ARMC3: variants seen among roughly 807,000 people sequenced by gnomAD.
ARMC3 encodes the protein armadillo repeat containing 3, also known as armadillo repeat-containing protein 3.
ARMC3 carries 74 observed loss-of-function variants against 90.3 expected under a neutral mutation model. The ratio of observed to expected loss-of-function variants is 0.82; its 90% confidence interval spans 0.68 to 0.99. The LOEUF (loss-of-function observed/expected upper bound fraction) is 0.99, where lower values mean the gene tolerates loss of function less well. Among genes scored for constraint, ARMC3 ranks in the 50% least tolerant of loss-of-function variants. ARMC3 has a pLI of 0.00. For synonymous variants in ARMC3, 334 were observed against 361.8 expected, an observed-to-expected ratio of 0.92 and a Z score of 0.87; for missense variants, 958 against 1,042.8, an observed-to-expected ratio of 0.92 and a Z score of 1.12.
rs759864443 is a variant in ARMC3 at position 23,008,247 on chromosome 10, T to A, written c.1830-29T>A. On this transcript the variant is annotated intron_variant, in intron 14 of 18. Transcript: ENST00000298032. ...TCTGTTGACAAATAATTTTAATCTA[T>A]ATATAATTTTAAATGTGTAAAATTT... 2.8e-4 allele frequency: 310 copies of A among 1,114,172 alleles called. 2 individuals carry two copies. Among genetic ancestry groups the A allele is most frequent in the Non-Finnish European group, 6.0e-5 (47 of 781,178 alleles). The allele number at this position is 1,114,172 out of a possible 1,614,324, so 69.0% of individuals were successfully genotyped here.
At chr10:22,995,851 T>C (rs1350839406) in intron 10 of ARMC3, among the ~76,000 whole-genome samples, 7 of 152,214 alleles carry the variant, frequency 4.6e-5, no homozygotes, top group Non-Finnish European at 1.0e-4. Context: ...TATTTGAGAA[T>C]TTATTGTTTG....
At chr10:23,009,097 A>G (rs1451945362) in intron 16 of ARMC3, among the ~76,000 whole-genome samples, 166 bp downstream of exon 16, 1 of 152,180 alleles carries the variant, frequency 6.6e-6, no homozygotes, top group African/African-American at 2.4e-5. Flanking sequence ...TCTCTTTAAA[A>G]CTTACCCGGA....
intron 1 of ARMC3, among the ~76,000 whole-genome samples, chr10:22,929,221 T>C (rs992036542): frequency 1.2e-4 from 16 of 133,252 alleles, no homozygotes; most frequent in African/African-American, 4.6e-4. Context: ...AGACTCTGTC[T>C]CAAAAAAGAA....
At chr10:22,992,470 T>C (rs909198576) in intron 10 of ARMC3, among the ~76,000 whole-genome samples, 12 of 152,218 alleles carry the variant, frequency 7.9e-5, no homozygotes, top group African/African-American at 1.4e-4. Flanking sequence ...CACATTTTTT[T>C]CCCTGTGGCT....
At position 23,008,339 on chromosome 10, in the gene ARMC3, A is replaced by G; in HGVS notation, c.1893A>G (p.Ser631=). The G allele has an allele frequency of 6.5e-7, 1 of 1,547,638 alleles. No individual in the cohort carries two copies. Among genetic ancestry groups the G allele is most frequent in the Non-Finnish European group, 8.8e-7 (1 of 1,133,456 alleles). The part of the protein sequence containing the change: ...DVGYGRSISS[S]SSLRRSSKEK... The stretch of plus-strand genomic sequence containing the variant: ...GTTATGGACGAAGTATTTCTTCTTC[A>G]TCTTCCTTAAGAAGATCAAGTAAAG... The change falls in exon 15 of 19, where the codon TCA becomes TCG. Residue 631 remains serine (S), a synonymous_variant. Transcript: ENST00000298032.
intron 1 of ARMC3, among the ~76,000 whole-genome samples, chr10:22,930,939 T>G (rs1238912913): frequency 6.6e-6 from 1 of 152,142 alleles, no homozygotes; most frequent in African/African-American, 2.4e-5. Flanking sequence ...AAGTTTCTTT[T>G]TTTTTTTTGA....
At chr10:22,965,078 T>C (rs759548680) in intron 7 of ARMC3, among the ~76,000 whole-genome samples, 1 of 152,206 alleles carries the variant, frequency 6.6e-6, no homozygotes, top group Non-Finnish European at 1.5e-5. Flanking sequence ...TATGTGTTTG[T>C]GTAGTACCTA....
At chr10:23,012,046 G>A (rs893315507) in intron 16 of ARMC3, among the ~76,000 whole-genome samples, 17 of 152,272 alleles carry the variant, frequency 1.1e-4, no homozygotes, top group African/African-American at 3.6e-4. Flanking sequence ...TCACCCAGAC[G>A]AATGAACACA....
At chr10:22,972,158 TG>T (rs1179077615) in intron 8 of ARMC3, among the ~76,000 whole-genome samples, 5 of 152,208 alleles carry the variant, frequency 3.3e-5, no homozygotes, top group Admixed American at 1.3e-4. Flanking sequence ...CTCTGTTGAT[TG>T]TGTGCTTTGA....
chr10:22,948,957 G>A (rs2131199858), intron 3 of ARMC3, among the ~76,000 whole-genome samples: 1 of 152,272 alleles, frequency 6.6e-6, no homozygotes, highest in Non-Finnish European at 1.5e-5. Flanking sequence ...AAAGGATTGG[G>A]GTAACAGTGC....
intron 10 of ARMC3, among the ~76,000 whole-genome samples, chr10:22,986,498 G>A (rs2131358545): frequency 6.8e-6 from 1 of 147,288 alleles, no homozygotes; most frequent in South Asian, 2.1e-4. Flanking sequence ...GTTGCAGTGA[G>A]CCAAGATCGC....
chr10:23,012,497 A>G (rs916329348), intron 16 of ARMC3, among the ~76,000 whole-genome samples: 1 of 152,084 alleles, frequency 6.6e-6, no homozygotes, highest in Non-Finnish European at 1.5e-5. Context: ...CTGGTGGAGT[A>G]TTCTGCCCTA....
intron 7 of ARMC3, among the ~76,000 whole-genome samples, chr10:22,964,952 A>AC (rs1564358356): frequency 6.6e-6 from 1 of 152,094 alleles, no homozygotes; most frequent in African/African-American, 2.4e-5. Context: ...TCCTACTCTT[A>AC]ATATTGTTAC....
intron 11 of ARMC3, among the ~76,000 whole-genome samples, chr10:23,001,162 T>G (rs1818831346): frequency 6.6e-6 from 1 of 152,200 alleles, no homozygotes; most frequent in Non-Finnish European, 1.5e-5. Context: ...CTTGCTGGCA[T>G]CGGTTCATCC....
chr10:22,987,203 T>G (rs1339992513), intron 10 of ARMC3, among the ~76,000 whole-genome samples: 1 of 152,222 alleles, frequency 6.6e-6, no homozygotes, highest in Non-Finnish European at 1.5e-5. Flanking sequence ...AAATTTCATG[T>G]TACATTTATC....
chr10:22,942,071 T>C (rs10764367), intron 2 of ARMC3, among the ~76,000 whole-genome samples: 56,978 of 152,132 alleles, frequency 0.37, 12,261 homozygotes, highest in African/African-American at 0.59. Flanking sequence ...AGGAGGTTTA[T>C]GCTTTAGCAG....
intron 2 of ARMC3, among the ~76,000 whole-genome samples, chr10:22,938,287 C>T (rs959211033): frequency 2.6e-5 from 4 of 152,032 alleles, no homozygotes; most frequent in South Asian, 4.2e-4. Context: ...GATTAGTGAG[C>T]GAGGTGTAGG....
chr10:22,973,902 G>T (rs1001380995), intron 8 of ARMC3, among the ~76,000 whole-genome samples: 3 of 151,438 alleles, frequency 2.0e-5, no homozygotes, highest in Non-Finnish European at 4.4e-5. Flanking sequence ...GGGTCTACAG[G>T]TGCCTGCCAC....
intron 8 of ARMC3, among the ~76,000 whole-genome samples, chr10:22,979,696 A>C (rs1836100667): frequency 6.6e-6 from 1 of 152,200 alleles, no homozygotes; most frequent in African/African-American, 2.4e-5. Flanking sequence ...TTATTCAGTG[A>C]AAAATAATAA....
Sources: gnomAD v4.1 joint callset for allele counts (sites outside exome capture counted in the v4.1 genomes callset) on GRCh38, gnomAD v4.1.1 for gene constraint, MANE v1.5 for transcripts, NCBI Gene and HGNC (gene_info 2026-07-23, HGNC 2026-07-21) for gene names.